SLC24A3: variants seen among roughly 807,000 people sequenced by gnomAD.
SLC24A3 encodes the protein solute carrier family 24 member 3.
Under a neutral mutation model 75.8 loss-of-function variants are expected in SLC24A3, and 28 were observed. The observed-to-expected ratio is 0.37, with a 90% CI of 0.27 to 0.51. The LOEUF is 0.51. SLC24A3 is among the 20% of genes least tolerant of loss of function. SLC24A3 has a pLI of 0.94. For missense variants in SLC24A3, 663 were observed against 847.8 expected (o/e 0.78, Z 2.71); for synonymous variants, 372 against 334.1 (o/e 1.11, Z -1.24).
At chr20:19,401,178 C>G (rs1419861521) in intron 2 of SLC24A3, among the ~76,000 whole-genome samples, 1 of 152,190 alleles carries the variant, frequency 6.6e-6, no homozygotes, top group East Asian at 1.9e-4. Flanking sequence ...AATCATGAGA[C>G]AGTTCCTAGA....
chr20:19,443,388 T>C (rs963716869), intron 2 of SLC24A3, among the ~76,000 whole-genome samples: 28 of 152,212 alleles, frequency 1.8e-4, no homozygotes, highest in African/African-American at 6.8e-4. Flanking sequence ...ACAGATCTTA[T>C]ACATAGTTTA....
intron 2 of SLC24A3, among the ~76,000 whole-genome samples, chr20:19,299,052 A>G (rs1395597743): frequency 6.6e-6 from 1 of 152,146 alleles, no homozygotes; most frequent in Non-Finnish European, 1.5e-5. Context: ...GGTGAGGGGA[A>G]AAAAGCCGGC....
chr20:19,393,994 C>CACAAG, intron 2 of SLC24A3, among the ~76,000 whole-genome samples: 1 of 152,146 alleles, frequency 6.6e-6, no homozygotes, highest in African/African-American at 2.4e-5. Context: ...CAGTGTAGTA[C>CACAAG]TTGTGTAAAG....
chr20:19,705,518 C>G (rs1239657461), intron 15 of SLC24A3, among the ~76,000 whole-genome samples: 1 of 152,156 alleles, frequency 6.6e-6, no homozygotes, highest in East Asian at 1.9e-4. Flanking sequence ...TTGATCTGCC[C>G]TCTTCTCCAC....
At chr20:19,350,730 C>A (rs1234205123) in intron 2 of SLC24A3, among the ~76,000 whole-genome samples, 2 of 152,262 alleles carry the variant, frequency 1.3e-5, no homozygotes, top group African/African-American at 4.8e-5. Flanking sequence ...TTTCATTTGT[C>A]CTTTGTTAGG....
intron 2 of SLC24A3, among the ~76,000 whole-genome samples, chr20:19,346,186 GTATATATATATATGGTA>G (rs1985409472): frequency 2.7e-5 from 2 of 74,026 alleles, no homozygotes; most frequent in Admixed American, 1.8e-4. Flanking sequence ...TATATATGGT[GTATATATATATATGGTA>G]TATATATATG....
At chr20:19,427,769 T>C (rs1194044647) in intron 2 of SLC24A3, among the ~76,000 whole-genome samples, 1 of 152,244 alleles carries the variant, frequency 6.6e-6, no homozygotes, top group Non-Finnish European at 1.5e-5. Context: ...GAGGAGGGAC[T>C]CCAGGCAGTG....
intron 2 of SLC24A3, among the ~76,000 whole-genome samples, chr20:19,482,166 T>G (rs1988066281): frequency 6.6e-6 from 1 of 152,222 alleles, no homozygotes. Context: ...GGCTTCCCAT[T>G]GCTCTAAGGG....
intron 15 of SLC24A3, among the ~76,000 whole-genome samples, chr20:19,704,305 A>G (rs1358325154): frequency 6.6e-6 from 1 of 152,100 alleles, no homozygotes; most frequent in Non-Finnish European, 1.5e-5. Context: ...GAATAGCTAG[A>G]ATTCACTGAG....
At chr20:19,295,613 A>C (rs1437452892) in intron 2 of SLC24A3, among the ~76,000 whole-genome samples, 1 of 152,200 alleles carries the variant, frequency 6.6e-6, no homozygotes, top group Non-Finnish European at 1.5e-5. Context: ...TGAGATAATC[A>C]TGTGGTTTCT....
chr20:19,345,463 C>G (rs1985369957), intron 2 of SLC24A3, among the ~76,000 whole-genome samples: 3 of 151,952 alleles, frequency 2.0e-5, no homozygotes, highest in African/African-American at 7.3e-5. Context: ...TGAAGAAGAA[C>G]AAAATCAGAG....
At chr20:19,521,175 A>C (rs952555146) in intron 3 of SLC24A3, among the ~76,000 whole-genome samples, 30 of 151,994 alleles carry the variant, frequency 2.0e-4, no homozygotes, top group African/African-American at 7.2e-4. Flanking sequence ...ATTCTCTCAG[A>C]AGAAGTGTGT....
intron 2 of SLC24A3, among the ~76,000 whole-genome samples, chr20:19,462,908 A>T (rs1168469709): frequency 6.6e-6 from 1 of 152,136 alleles, no homozygotes; most frequent in Non-Finnish European, 1.5e-5. Flanking sequence ...TTGAATTCAA[A>T]TGTATCAAAT....
intron 2 of SLC24A3, among the ~76,000 whole-genome samples, chr20:19,490,036 C>A (rs2122529186): frequency 6.6e-6 from 1 of 152,272 alleles, no homozygotes; most frequent in East Asian, 1.9e-4. Flanking sequence ...GAATTGCTCA[C>A]CTGTTTCTGT....
chr20:19,536,776 A>G (rs1314323677), intron 3 of SLC24A3, among the ~76,000 whole-genome samples: 1 of 152,232 alleles, frequency 6.6e-6, no homozygotes, highest in Admixed American at 6.5e-5. Flanking sequence ...GCAATGGGGA[A>G]AGGATTCCCT....
chr20:19,501,939 G>A (rs1988390448), intron 2 of SLC24A3, among the ~76,000 whole-genome samples: 3 of 152,072 alleles, frequency 2.0e-5, no homozygotes, highest in Admixed American at 2.0e-4. Flanking sequence ...AAGTTCCATG[G>A]AGGACTTAAT....
At chr20:19,490,033 T>C (rs1422544371) in intron 2 of SLC24A3, among the ~76,000 whole-genome samples, 1 of 152,204 alleles carries the variant, frequency 6.6e-6, no homozygotes, top group East Asian at 1.9e-4. Flanking sequence ...CCTGAATTGC[T>C]CACCTGTTTC....
chr20:19,622,259 C>G (rs999133406), intron 6 of SLC24A3, among the ~76,000 whole-genome samples: 1 of 152,100 alleles, frequency 6.6e-6, no homozygotes, highest in Admixed American at 6.5e-5. Context: ...AATGTGGAGA[C>G]CAGAGTGAAC....
At chr20:19,574,837 A>G (rs2031105529) in intron 3 of SLC24A3, among the ~76,000 whole-genome samples, 1 of 152,168 alleles carries the variant, frequency 6.6e-6, no homozygotes, top group Non-Finnish European at 1.5e-5. Flanking sequence ...TGGAAGTGTC[A>G]AGTCTAGGAC....
Sources: allele counts gnomAD v4.1 joint callset (sites outside exome capture counted in the v4.1 genomes callset), GRCh38; gene constraint gnomAD v4.1.1; transcripts MANE v1.5; gene names NCBI Gene and HGNC (gene_info 2026-07-23, HGNC 2026-07-21).